The following FSHR variants were observed in gnomAD, a reference collection of about 807,000 sequenced individuals.
The protein encoded by FSHR is follicle-stimulating hormone receptor.
FSHR carries 46 observed loss-of-function variants against 52.1 expected under a neutral mutation model. The ratio of observed to expected loss-of-function variants is 0.88; its 90% CI spans 0.70 to 1.13. The LOEUF is 1.13. FSHR is among the 50% of genes most tolerant of loss of function. The pLI is 0.00. For synonymous variants in FSHR, 399 were observed against 309.6 expected, an observed-to-expected ratio of 1.29 and a Z score of -3.03; for missense variants, 964 against 834.6, an observed-to-expected ratio of 1.16 and a Z score of -1.91.
chr2:49,023,871 T>C (rs1043287003), intron 2 of FSHR, among the ~76,000 whole-genome samples: 2 of 152,174 alleles, frequency 1.3e-5, no homozygotes, highest in Non-Finnish European at 2.9e-5. Flanking sequence ...CAAGGCATTC[T>C]CTCTGGTGTG....
At chr2:49,086,131 G>A (rs993707646) in intron 1 of FSHR, among the ~76,000 whole-genome samples, 2 of 151,954 alleles carry the variant, frequency 1.3e-5, no homozygotes, top group African/African-American at 4.8e-5. Flanking sequence ...ATATAGAAAG[G>A]TTTTCTTAGG....
At chr2:49,046,066 CA>C (rs772561266) in intron 2 of FSHR, among the ~76,000 whole-genome samples, 2 of 152,094 alleles carry the variant, frequency 1.3e-5, no homozygotes, top group Non-Finnish European at 2.9e-5. Context: ...GGCCAGTTAC[CA>C]AATTTTTCTG....
At chr2:49,089,540 C>G (rs1442487806) in intron 1 of FSHR, among the ~76,000 whole-genome samples, 1 of 152,104 alleles carries the variant, frequency 6.6e-6, no homozygotes, top group Non-Finnish European at 1.5e-5. Flanking sequence ...TTAAAAAATA[C>G]TGAAATCTAT....
chr2:48,968,549 A>T (rs1302165514), intron 9 of FSHR, 149 bp downstream of exon 9: 1 of 885,902 alleles, frequency 1.1e-6, no homozygotes, highest in Non-Finnish European at 1.8e-6. Flanking sequence ...ACTCTCCATG[A>T]ACTGAATTTT....
chr2:49,040,268 G>A (rs374623853), intron 2 of FSHR, among the ~76,000 whole-genome samples: 2 of 151,818 alleles, frequency 1.3e-5, no homozygotes, highest in African/African-American at 4.8e-5. Context: ...GAGATGGTTA[G>A]ACCAGCATGG....
At chr2:49,108,851 G>A (rs11125214) in intron 1 of FSHR, among the ~76,000 whole-genome samples, 21,983 of 152,112 alleles carry the variant, frequency 0.14, 1,639 homozygotes, top group East Asian at 0.23. Context: ...AATTAGGTAC[G>A]AGGCTTTAAA....
intron 1 of FSHR, among the ~76,000 whole-genome samples, chr2:49,131,321 A>G (rs1037630451): frequency 1.3e-5 from 2 of 152,224 alleles, no homozygotes; most frequent in Admixed American, 6.5e-5. Context: ...GCTTTTATGC[A>G]TAAAAGACTA....
intron 1 of FSHR, among the ~76,000 whole-genome samples, chr2:49,073,378 A>G (rs991325540): frequency 2.0e-5 from 3 of 152,088 alleles, no homozygotes; most frequent in Non-Finnish European, 4.4e-5. Flanking sequence ...ATAAATTAAT[A>G]TACAAAATCA....
Position 48,962,320 on chromosome 2 carries a change from C to G in FSHR, c.*413G>C, listed in dbSNP as rs376170041. The G allele has an allele frequency of 1.3e-5, 3 of 227,238 alleles. No individual in the cohort carries two copies. The highest frequency in any genetic ancestry group is 7.0e-5 in the African/African-American group (3 of 42,798). The allele number at this position is 227,238 out of a possible 1,614,324, so 14.1% of individuals were successfully genotyped here. A position where few individuals can be genotyped will look rare whatever the true frequency, so the allele number is the denominator to read the frequency against. ...TTCTCTGGGAGTCGGAATACCTAAT[C>G]CTGGCTCTGCCTCTTACAAACTAAA... On this transcript the variant is annotated 3_prime_UTR_variant, in exon 10 of 10. Transcript: ENST00000406846.
intron 1 of FSHR, among the ~76,000 whole-genome samples, chr2:49,072,740 G>A (rs1027247908): frequency 2.0e-5 from 3 of 152,232 alleles, no homozygotes; most frequent in Admixed American, 6.5e-5. Flanking sequence ...GGTAACATGG[G>A]TAAGGAGCTT....
chr2:49,145,554 G>A (rs542523654), intron 1 of FSHR, among the ~76,000 whole-genome samples: 1 of 152,158 alleles, frequency 6.6e-6, no homozygotes, highest in Admixed American at 6.6e-5. Context: ...ATTCCTTCTA[G>A]CTCTCACAAT....
intron 1 of FSHR, among the ~76,000 whole-genome samples, chr2:49,074,038 A>G (rs914312056): frequency 6.6e-6 from 1 of 152,068 alleles, no homozygotes; most frequent in Non-Finnish European, 1.5e-5. Context: ...AGAAATGACC[A>G]CAAAATGACT....
At chr2:49,063,859 T>C (rs1405865811) in intron 2 of FSHR, among the ~76,000 whole-genome samples, 1 of 152,096 alleles carries the variant, frequency 6.6e-6, no homozygotes. Flanking sequence ...GATAAATATA[T>C]GAGGTGTGAG....
intron 4 of FSHR, among the ~76,000 whole-genome samples, chr2:48,999,746 C>T (rs889841078): frequency 1.3e-5 from 2 of 152,092 alleles, no homozygotes; most frequent in African/African-American, 4.8e-5. Flanking sequence ...CAGCTTGTTT[C>T]CTGCAGGATT....
In FSHR at chr2:49,022,110, C is replaced by T. The variant is rs530109856; in HGVS notation, c.225-1950G>A. Among the ~76,000 whole-genome samples, 7 of 151,622 alleles carry T rather than the reference C, an allele frequency of 4.6e-5. No homozygotes were observed. The South Asian group carries it at 1.0e-3, about 23-fold the overall frequency. On this transcript the variant is annotated intron_variant, in intron 2 of 9. Transcript: ENST00000406846. ...AGGCATGCAGGAAAAGGCTAGCTAA[C>T]AGGAAGGGCTCAAATGCAAATAAGG...
intron 1 of FSHR, among the ~76,000 whole-genome samples, chr2:49,138,151 T>TA (rs1672551698): frequency 6.6e-6 from 1 of 151,950 alleles, no homozygotes; most frequent in Non-Finnish European, 1.5e-5. Context: ...GAAAGGCAAA[T>TA]AAAAACCACA....
chr2:49,019,647 G>A (rs190441232), intron 3 of FSHR, among the ~76,000 whole-genome samples: 1 of 152,216 alleles, frequency 6.6e-6, no homozygotes, highest in African/African-American at 2.4e-5. Flanking sequence ...CAGTTTTACA[G>A]ATGAGAAAAC....
Position 48,963,983 on chromosome 2 carries a change from A to G in FSHR, c.855-17T>C. ...AGCTCAGAGCTAGAAAAATACAAAA[A>G]GAAATAGAATCAACATCTCAGATCC... is the stretch of plus-strand genomic sequence containing the variant. On this transcript the variant is annotated splice_polypyrimidine_tract_variant and intron_variant, in intron 9 of 9. Transcript: ENST00000406846. The G allele has an allele frequency of 6.2e-7, 1 of 1,608,844 alleles. No homozygotes were observed. Among genetic ancestry groups the G allele is most frequent in the South Asian group, 1.1e-5 (1 of 90,868 alleles).
chr2:49,096,279 T>G (rs1255292801), intron 1 of FSHR, among the ~76,000 whole-genome samples: 5 of 152,156 alleles, frequency 3.3e-5, no homozygotes. Context: ...ACTTGGCCAT[T>G]AAAAGGAATG....
Sources: allele counts gnomAD v4.1 joint callset (sites outside exome capture counted in the v4.1 genomes callset), GRCh38; gene constraint gnomAD v4.1.1; transcripts MANE v1.5; gene names NCBI Gene and HGNC (gene_info 2026-07-23, HGNC 2026-07-21).